Variants in PCLO observed in about 807,000 individuals in gnomAD.
PCLO encodes the protein protein piccolo.
A neutral mutation model predicts 427.5 loss-of-function variants in PCLO; 82 were observed. That is an observed-to-expected ratio of 0.19 (90% CI 0.16 to 0.23). PCLO has a LOEUF of 0.23. PCLO is among the 10% of genes least tolerant of loss of function. The probability of loss-of-function intolerance (pLI) is 1.00; values close to 1 mark genes in which losing one functional copy is unlikely to be tolerated. For missense variants in PCLO, 6,239 were observed against 6,115.9 expected, an observed-to-expected ratio of 1.02 and a Z score of -0.67; for synonymous variants, 2,357 against 2,155.4, an observed-to-expected ratio of 1.09 and a Z score of -2.59.
intron 3 of PCLO, among the ~76,000 whole-genome samples, chr7:83,109,347 G>A (rs929357): frequency 0.31 from 47,093 of 151,840 alleles, 8,259 homozygotes; most frequent in East Asian, 0.62. Flanking sequence ...TATCTGCTGG[G>A]TACATGATGG....
At chr7:82,833,370 T>C (rs1002092223) in intron 16 of PCLO, among the ~76,000 whole-genome samples, 2 of 152,302 alleles carry the variant, frequency 1.3e-5, no homozygotes, top group South Asian at 2.1e-4. Flanking sequence ...CCTTCATATA[T>C]GCTCATTTCC....
At chr7:82,888,082 A>AG (rs1348844174) in intron 9 of PCLO, among the ~76,000 whole-genome samples, 1 of 151,710 alleles carries the variant, frequency 6.6e-6, no homozygotes, top group Non-Finnish European at 1.5e-5. Flanking sequence ...AACAAAAAAA[A>AG]AAAGAAAGAA....
chr7:82,828,828 T>C (rs1792016873), intron 16 of PCLO, among the ~76,000 whole-genome samples: 1 of 152,158 alleles, frequency 6.6e-6, no homozygotes, highest in South Asian at 2.1e-4. Context: ...TGCTTTTTTC[T>C]GAATTTTCTG....
At chr7:82,979,571 G>A (rs1280105942) in intron 3 of PCLO, among the ~76,000 whole-genome samples, 3 of 152,112 alleles carry the variant, frequency 2.0e-5, no homozygotes, top group Non-Finnish European at 4.4e-5. Context: ...TAAACATTCA[G>A]AATCCAATCT....
intron 3 of PCLO, among the ~76,000 whole-genome samples, chr7:83,019,299 G>A (rs1303827007): frequency 6.6e-6 from 1 of 151,818 alleles, no homozygotes; most frequent in African/African-American, 2.4e-5. Context: ...GAGTAAGGCA[G>A]GAAGAAGAAC....
At chr7:83,147,310 A>T (rs1792020342) in intron 2 of PCLO, among the ~76,000 whole-genome samples, 1 of 152,178 alleles carries the variant, frequency 6.6e-6, no homozygotes, top group Non-Finnish European at 1.5e-5. Flanking sequence ...TTAATTAGAA[A>T]ACTACTTTAA....
chr7:82,954,396 G>A lies in PCLO; in HGVS notation c.6557C>T (p.Ser2186Leu), dbSNP rs865831960. 1.2e-6 allele frequency: 2 copies of A among 1,613,914 alleles called. No homozygotes were observed. The highest frequency in any genetic ancestry group is 1.7e-6 in the Non-Finnish European group (2 of 1,179,840). ...TGTGGTACAGACCGAAGAAACAGAT[G>A]ATGTGAGAGAAGGTGTGTCAGAGGG... is the stretch of plus-strand genomic sequence containing the variant. Reference protein sequence around the residue: ...VPPSDTPSLTSSVSSVCTTDS... With the variant: ...VPPSDTPSLTLSVSSVCTTDS... Residue 2186 changes from serine (S) to leucine (L), a missense_variant, in exon 5 of 25, where the codon TCA (serine) becomes TTA (leucine). By Grantham distance (145) the Ser-to-Leu change is moderately radical. Coordinates refer to ENST00000333891, the MANE Select transcript of PCLO (RefSeq NM_033026.6).
In PCLO at chr7:82,877,902, C is replaced by T. The variant is rs557733908; in HGVS notation, c.13654+1435G>A. 1.9e-3 allele frequency among the ~76,000 whole-genome samples: 295 copies of T among 152,208 alleles called. 1 individual carries two copies. The highest frequency in any genetic ancestry group is 3.6e-3 in the Non-Finnish European group (243 of 68,004). On this transcript the variant is annotated intron_variant, in intron 10 of 24. Coordinates refer to ENST00000333891, the MANE Select transcript of PCLO (RefSeq NM_033026.6). Reference sequence around the variant, plus strand: ...GGCCAGGCTAGTCTTGAGCTGCTGGCCTCAAGAGATCTGCCCGCCTTGGCC... The same window carrying T: ...GGCCAGGCTAGTCTTGAGCTGCTGGTCTCAAGAGATCTGCCCGCCTTGGCC...
Position 83,155,616 on chromosome 7 carries a change from A to G in PCLO, c.1025T>C (p.Leu342Ser), listed in dbSNP as rs771711535. ...TTTCACTGTCCCTGGTTGTTGAGCCAATGGCTTTGTTAGCCCTGAGGGCTG... is the reference window on the plus strand; with the variant it reads ...TTTCACTGTCCCTGGTTGTTGAGCCGATGGCTTTGTTAGCCCTGAGGGCTG... ...PAQPSGLTKP[L>S]AQQPGTVKPP... Residue 342 changes from leucine to serine, a missense_variant, in exon 2 of 25, where the codon TTG becomes TCG. Transcript: ENST00000333891. 6.9e-6 allele frequency: 11 copies of G among 1,583,626 alleles called. No individual in the cohort carries two copies. The highest frequency in any genetic ancestry group is 5.4e-5 in the Admixed American group (3 of 55,680).
chr7:83,057,934 T>C (rs774236340), intron 3 of PCLO, among the ~76,000 whole-genome samples: 4 of 152,154 alleles, frequency 2.6e-5, no homozygotes, highest in Non-Finnish European at 5.9e-5. Context: ...GAAAACTTTA[T>C]CCTTAATTTA....
chr7:82,942,826 G>A, intron 6 of PCLO, among the ~76,000 whole-genome samples: 1 of 151,992 alleles, frequency 6.6e-6, no homozygotes, highest in Non-Finnish European at 1.5e-5. Context: ...ATAGAAAGAT[G>A]AGGCTTCTAT....
intron 10 of PCLO, among the ~76,000 whole-genome samples, chr7:82,854,446 A>G (rs1237934352): frequency 6.6e-6 from 1 of 152,120 alleles, no homozygotes; most frequent in African/African-American, 2.4e-5. Flanking sequence ...ATCTCTTCAT[A>G]ATATAAAGAT....
At chr7:83,014,152 C>G (rs1328196655) in intron 3 of PCLO, among the ~76,000 whole-genome samples, 1 of 152,050 alleles carries the variant, frequency 6.6e-6, no homozygotes, top group Non-Finnish European at 1.5e-5. Flanking sequence ...AAGATATGTA[C>G]AGTCTTCATA....
chr7:83,009,590 A>C (rs1788029022), intron 3 of PCLO, among the ~76,000 whole-genome samples: 1 of 151,934 alleles, frequency 6.6e-6, no homozygotes, highest in Non-Finnish European at 1.5e-5. Flanking sequence ...ATTAGTTAAA[A>C]TACATTTGAT....
In PCLO at chr7:83,125,369, C is replaced by T. The variant is rs1195211581; in HGVS notation, c.3300+8881G>A. On this transcript the variant is annotated intron_variant, in intron 3 of 24. Coordinates refer to ENST00000333891, the MANE Select transcript of PCLO (RefSeq NM_033026.6). ...GAAGTGGGGGGCTGCTCTGCCCGGC[C>T]ACCACCCCATCTGGGAGGTGGACCC... 2.0e-5 allele frequency among the ~76,000 whole-genome samples: 3 copies of T among 152,168 alleles called. No homozygotes were observed. In the East Asian group the frequency reaches 5.8e-4, roughly 29 times the overall value.
At chr7:82,813,113 G>A (rs796403267) in intron 20 of PCLO, among the ~76,000 whole-genome samples, 13 of 151,684 alleles carry the variant, frequency 8.6e-5, no homozygotes, top group African/African-American at 3.1e-4. Context: ...ATTAAATTTT[G>A]CCCAAATGAA....
Position 82,829,411 on chromosome 7 carries a change from T to C in PCLO, c.14250-1445A>G, listed in dbSNP as rs181861451. ...TGAAGGCTCGCAGGTGAATCTAATA[T>C]GTAGCGAAGATTAAGAAGCACCGAG... On this transcript the variant is annotated intron_variant, in intron 16 of 24. Coordinates refer to ENST00000333891, the MANE Select transcript of PCLO (RefSeq NM_033026.6). Among the ~76,000 whole-genome samples the C allele has an allele frequency of 2.6e-3, 390 of 152,272 alleles. 1 individual carries two copies. The highest frequency in any genetic ancestry group is 6.2e-3 in the African/African-American group (259 of 41,572).
chr7:82,917,980 T>C (rs892692951), intron 6 of PCLO, among the ~76,000 whole-genome samples: 5 of 152,022 alleles, frequency 3.3e-5, no homozygotes, highest in Admixed American at 6.6e-5. Flanking sequence ...TTTTCTGTTA[T>C]CATATTTCTG....
At chr7:82,863,297 C>T (rs1554343436) in intron 10 of PCLO, among the ~76,000 whole-genome samples, 1 of 151,826 alleles carries the variant, frequency 6.6e-6, no homozygotes, top group Non-Finnish European at 1.5e-5. Context: ...ATGTAAATAA[C>T]ATAGAGAAGT....
Sources: allele counts gnomAD v4.1 joint callset (sites outside exome capture counted in the v4.1 genomes callset), GRCh38; gene constraint gnomAD v4.1.1; transcripts MANE v1.5; gene names NCBI Gene and HGNC (gene_info 2026-07-23, HGNC 2026-07-21).